The following USP6 variants were observed in gnomAD, a reference collection of about 807,000 sequenced individuals.
USP6 encodes ubiquitin specific peptidase 6, also known as ubiquitin carboxyl-terminal hydrolase 6.
Under a neutral mutation model 175.7 loss-of-function variants are expected in USP6, and 128 were observed. The observed-to-expected ratio is 0.73, with a 90% CI of 0.63 to 0.84. The LOEUF is 0.84. Ranked by LOEUF, USP6 falls within the 40% of genes least tolerant of loss-of-function variation. The pLI, the probability that USP6 is intolerant of heterozygous loss-of-function variation, is 0.00. For synonymous variants in USP6, 562 were observed against 630.6 expected, an observed-to-expected ratio of 0.89 and a Z score of 1.63; for missense variants, 1,498 against 1,760.3, an observed-to-expected ratio of 0.85 and a Z score of 2.67.
chr17:5,145,684 A>G (rs1482335638), intron 27 of USP6, 105 bp downstream of exon 27: 10 of 1,400,394 alleles, frequency 7.1e-6, no homozygotes, highest in Non-Finnish European at 9.4e-6. Flanking sequence ...AAAGACTGGT[A>G]GTCAGCATAT....
chr17:5,117,020 G>GT (rs1006562915), intron 1 of USP6, among the ~76,000 whole-genome samples: 3 of 152,192 alleles, frequency 2.0e-5, no homozygotes, highest in Non-Finnish European at 4.4e-5. Flanking sequence ...GGAAGGAAAG[G>GT]TAAGTACTTT....
intron 31 of USP6, 117 bp from the exon 32 acceptor site, chr17:5,161,411 T>C: frequency 1.0e-6 from 1 of 1,000,176 alleles, no homozygotes; most frequent in Non-Finnish European, 1.5e-6. Flanking sequence ...GCTGTCAACA[T>C]GAGCATACTG....
intron 24 of USP6, 57 bp from the exon 25 acceptor site, chr17:5,142,340 C>T: frequency 1.3e-6 from 2 of 1,594,068 alleles, no homozygotes; most frequent in Non-Finnish European, 1.7e-6. Flanking sequence ...CATCTTTGCC[C>T]ACATGATTGT....
chr17:5,151,924 G>T (rs1008224599), intron 30 of USP6, among the ~76,000 whole-genome samples: 1 of 152,118 alleles, frequency 6.6e-6, no homozygotes, highest in South Asian at 2.1e-4. Flanking sequence ...ATAAAGAAAA[G>T]ATTAAATTGC....
intron 4 of USP6, among the ~76,000 whole-genome samples, chr17:5,123,477 G>A (rs1029326033): frequency 7.9e-5 from 12 of 152,094 alleles, no homozygotes; most frequent in African/African-American, 2.2e-4. Context: ...CCCAGCCCGC[G>A]TCACCCGGCA....
chr17:5,126,641 A>G (rs1170467084), intron 6 of USP6: 3 of 150,140 alleles, frequency 2.0e-5, no homozygotes, highest in Non-Finnish European at 3.0e-5. Flanking sequence ...CTCTCTCCCA[A>G]TTTCTCTTCC....
At chr17:5,150,290 CTAAAAAAATAAA>C (rs1390994426) in intron 30 of USP6, among the ~76,000 whole-genome samples, 5 of 87,640 alleles carry the variant, frequency 5.7e-5, no homozygotes, top group African/African-American at 1.5e-4. Context: ...GAAACTCCGT[CTAAAAAAATAAA>C]TAAATAAATA....
intron 2 of USP6, among the ~76,000 whole-genome samples, chr17:5,119,095 C>T (rs2072595326): frequency 6.6e-6 from 1 of 152,178 alleles, no homozygotes; most frequent in South Asian, 2.1e-4. Flanking sequence ...CTGCCTCTAT[C>T]ACTATCAAGT....
intron 33 of USP6, among the ~76,000 whole-genome samples, chr17:5,163,459 T>C (rs1004754229): frequency 3.3e-5 from 5 of 152,110 alleles, no homozygotes; most frequent in African/African-American, 1.2e-4. Flanking sequence ...GGAAACTAAG[T>C]TCTCAGAAGA....
chr17:5,168,773 C>T lies in USP6; in HGVS notation c.3235C>T (p.His1079Tyr), dbSNP rs780170805. The change falls in exon 35 of 38, where the codon CAC becomes TAC. Residue 1079 changes from histidine to tyrosine, a missense_variant. Coordinates refer to ENST00000574788, the MANE Select transcript of USP6 (RefSeq NM_001304284.2). ...LWRLPPFLIIHLKRFQFVNDQ... is the reference protein window; with the variant it reads ...LWRLPPFLIIYLKRFQFVNDQ... The stretch of plus-strand genomic sequence containing the variant: ...TCTACCTTTACTTCTCCAGATTATT[C>T]ACCTTAAGCGATTTCAATTTGTAAA... The T allele has an allele frequency of 1.3e-6, 2 of 1,570,226 alleles. No homozygotes were observed. The highest frequency in any genetic ancestry group is 4.5e-5 in the East Asian group (2 of 44,440).
Position 5,120,675 on chromosome 17 carries a change from A to ATG in USP6, c.-1787_-1786dup. On this transcript the variant is annotated 5_prime_UTR_variant, in exon 3 of 38. The change creates a premature stop within an existing upstream ORF in the 5' untranslated region. Coordinates refer to ENST00000574788, the MANE Select transcript of USP6 (RefSeq NM_001304284.2). ...GGTGGATGAGGATGTCAGTGTGAAG[A>ATG]TGGACACTGTGCCTGGAGTGAACCT... 2.5e-6 allele frequency: 1 copy of ATG among 404,964 alleles called. No individual in the cohort carries two copies. Among genetic ancestry groups the ATG allele is most frequent in the Non-Finnish European group, 4.9e-6 (1 of 205,894 alleles). 25.1% of individuals were successfully genotyped at this position (404,964 alleles called of 1,614,324 possible). A position where few individuals can be genotyped will look rare whatever the true frequency, so the allele number is the denominator to read the frequency against.
chr17:5,129,763 GCA>G (rs1381402996), intron 8 of USP6, 171 bp from the exon 9 acceptor site: 1 of 159,124 alleles, frequency 6.3e-6, no homozygotes, highest in South Asian at 1.8e-4. Context: ...GTTTCCATGA[GCA>G]CAGTGGCTGC....
chr17:5,122,786 C>G (rs772970117), intron 4 of USP6, among the ~76,000 whole-genome samples: 1 of 152,202 alleles, frequency 6.6e-6, no homozygotes. Flanking sequence ...TCCGGTAGGG[C>G]GAGGGGTCGG....
chr17:5,157,116 C>T (rs1483089015), intron 31 of USP6, among the ~76,000 whole-genome samples: 3 of 150,134 alleles, frequency 2.0e-5, no homozygotes, highest in East Asian at 2.0e-4. Flanking sequence ...GACGGAGTCT[C>T]GCTCTGTCAC....
chr17:5,168,284 T>C (rs1267771633), intron 34 of USP6, among the ~76,000 whole-genome samples, 161 bp downstream of exon 34: 1 of 152,258 alleles, frequency 6.6e-6, no homozygotes, highest in Non-Finnish European at 1.5e-5. Context: ...CAGAGATGAA[T>C]CTTTCTACAA....
Position 5,137,051 on chromosome 17 carries a change from A to G in USP6, c.760-70A>G, listed in dbSNP as rs1176052827. On this transcript the variant is annotated intron_variant, in intron 18 of 37. Coordinates refer to ENST00000574788, the MANE Select transcript of USP6 (RefSeq NM_001304284.2). The stretch of plus-strand genomic sequence containing the variant: ...GTTCTGCACTAGGGGAAAGGTCTTC[A>G]GAGGCCCTGGAAGATGGAGGTTTTT... 26 of 1,516,836 alleles carry G rather than the reference A, an allele frequency of 1.7e-5. 1 individual carries two copies. In the East Asian group the frequency reaches 3.2e-4, roughly 18 times the overall value. The allele number at this position is 1,516,836 out of a possible 1,614,324, so 94.0% of individuals were successfully genotyped here. A position where few individuals can be genotyped will look rare whatever the true frequency, so the allele number is the denominator to read the frequency against.
intron 30 of USP6, among the ~76,000 whole-genome samples, chr17:5,151,431 ATGTGTGTGTGTGTGTGTGTGTGTG>A (rs138448773): frequency 6.8e-6 from 1 of 146,566 alleles, no homozygotes; most frequent in East Asian, 2.1e-4. Flanking sequence ...CAAAGTCTGC[ATGTGTGTGTGTGTGTGTGTGTGTG>A]TGTGTGTGTG....
intron 13 of USP6, 59 bp downstream of exon 13, chr17:5,133,049 C>G (rs938234872): frequency 1.3e-6 from 2 of 1,577,360 alleles, no homozygotes; most frequent in Non-Finnish European, 1.7e-6. Flanking sequence ...GGGACAGGCA[C>G]CCATGGCTGT....
chr17:5,138,046 C>A, intron 20 of USP6, 75 bp from the exon 21 acceptor site: 1 of 1,610,886 alleles, frequency 6.2e-7, no homozygotes, highest in Non-Finnish European at 8.5e-7. Context: ...CAGTGGGAGA[C>A]TGAAGTGGCC....
Sources: allele counts gnomAD v4.1 joint callset (sites outside exome capture counted in the v4.1 genomes callset), GRCh38; gene constraint gnomAD v4.1.1; transcripts MANE v1.5; gene names NCBI Gene and HGNC (gene_info 2026-07-23, HGNC 2026-07-21).